The following MCTP2 variants were observed in gnomAD, a reference collection of about 807,000 sequenced individuals.
MCTP2 encodes multiple C2 and transmembrane domain-containing protein 2.
In MCTP2, 132 loss-of-function variants were observed where a neutral mutation model predicts 111.6. The observed-to-expected ratio is 1.18, with a 90% CI of 1.03 to 1.37. The LOEUF (loss-of-function observed/expected upper bound fraction) is 1.37, where lower values mean the gene tolerates loss of function less well. MCTP2 is among the 40% of genes most tolerant of loss of function. MCTP2 has a pLI of 0.00. For missense variants in MCTP2, 1,183 were observed against 1,067.9 expected (o/e 1.11, Z -1.50); for synonymous variants, 395 against 387.7 (o/e 1.02, Z -0.22).
intron 1 of MCTP2, among the ~76,000 whole-genome samples, chr15:94,276,843 CAAA>C (rs10538124): frequency 1.6e-3 from 205 of 130,564 alleles, no homozygotes; most frequent in Middle Eastern, 4.0e-3. Context: ...TAAACTAACC[CAAA>C]AAAAAAAAAA....
chr15:94,280,987 A>C lies in MCTP2; in HGVS notation c.-65-17214A>C, dbSNP rs78427501. Among the ~76,000 whole-genome samples, 812 of 152,290 alleles carry C rather than the reference A, an allele frequency of 5.3e-3. 9 individuals are homozygous for C. Among genetic ancestry groups the C allele is most frequent in the African/African-American group, 0.019 (772 of 41,564 alleles). On this transcript the variant is annotated intron_variant, in intron 1 of 22. Transcript: ENST00000357742. ...ACTTGTTGAGAATTGCTTTATGGCC[A>C]AACATATGATGGATCTTAGGGTATG...
chr15:94,286,915 A>G (rs945963345), intron 1 of MCTP2, among the ~76,000 whole-genome samples: 2 of 152,222 alleles, frequency 1.3e-5, no homozygotes, highest in African/African-American at 2.4e-5. Flanking sequence ...GTAGGGTAGC[A>G]TAGGTATCAT....
Position 94,367,571 on chromosome 15 carries a change from C to T in MCTP2, c.1302-34C>T, listed in dbSNP as rs531283176. 20 of 1,571,448 alleles carry T rather than the reference C, an allele frequency of 1.3e-5. 1 individual carries two copies. The Admixed American group carries it at 1.5e-4, about 12-fold the overall frequency. ...TACTGCAGTGGCCTTGAATTAATCA[C>T]TTTTCTCTCTCTTGATTCCTGAAAC... On this transcript the variant is annotated intron_variant, in intron 10 of 22. Coordinates refer to ENST00000357742, the MANE Select transcript of MCTP2 (RefSeq NM_001385001.1).
chr15:94,405,342 C>G (rs545654939), intron 17 of MCTP2, among the ~76,000 whole-genome samples: 258 of 152,304 alleles, frequency 1.7e-3, no homozygotes, highest in African/African-American at 6.0e-3. Flanking sequence ...TTAATCTATT[C>G]TCAATGTCAA....
At chr15:94,293,604 G>C (rs1299351582) in intron 1 of MCTP2, among the ~76,000 whole-genome samples, 1 of 152,218 alleles carries the variant, frequency 6.6e-6, no homozygotes, top group Non-Finnish European at 1.5e-5. Context: ...CCAGCAGTCT[G>C]TCCACTGCAG....
chr15:94,454,976 A>G (rs768271365), intron 19 of MCTP2, among the ~76,000 whole-genome samples: 33 of 152,156 alleles, frequency 2.2e-4, no homozygotes, highest in Admixed American at 6.5e-4. Context: ...ATGTGCCACC[A>G]CAACAGGCTA....
At chr15:94,415,049 T>C (rs1014281484) in intron 17 of MCTP2, among the ~76,000 whole-genome samples, 2 of 152,054 alleles carry the variant, frequency 1.3e-5, no homozygotes, top group Non-Finnish European at 2.9e-5. Context: ...ATGTGGATGA[T>C]ACCTACAGTA....
chr15:94,235,677 AC>A (rs537906213), intron 1 of MCTP2, among the ~76,000 whole-genome samples: 86 of 152,362 alleles, frequency 5.6e-4, no homozygotes, highest in African/African-American at 2.0e-3. Flanking sequence ...ACCCTGGGTA[AC>A]GCAGGGCTAT....
intron 17 of MCTP2, among the ~76,000 whole-genome samples, chr15:94,437,120 C>A (rs1231476557): frequency 1.3e-5 from 1 of 79,076 alleles, no homozygotes; most frequent in African/African-American, 4.8e-5. Flanking sequence ...TTCATTGATC[C>A]AAAAAGTATT....
At position 94,470,322 on chromosome 15, in the gene MCTP2, T is replaced by C. The variant is rs759890377; in HGVS notation, c.2361-11T>C. On this transcript the variant is annotated splice_polypyrimidine_tract_variant and intron_variant, in intron 20 of 22. Coordinates refer to ENST00000357742, the MANE Select transcript of MCTP2 (RefSeq NM_001385001.1). ...ATCAGAGGAAATTATATTTATGTGG[T>C]TTGTCTACAGCACATTTAACTGGAC... 2.5e-6 allele frequency: 4 copies of C among 1,577,706 alleles called. No homozygotes were observed. In the South Asian group the frequency reaches 4.4e-5, roughly 18 times the overall value.
chr15:94,255,457 C>A (rs971356167), intron 1 of MCTP2, among the ~76,000 whole-genome samples: 24 of 151,260 alleles, frequency 1.6e-4, no homozygotes, highest in Non-Finnish European at 2.2e-4. Flanking sequence ...AACTTTTTAG[C>A]AGTTTGACTT....
intron 1 of MCTP2, among the ~76,000 whole-genome samples, chr15:94,247,543 G>C (rs1272621208): frequency 1.3e-5 from 2 of 152,014 alleles, no homozygotes; most frequent in East Asian, 3.9e-4. Context: ...TGATTTTGTA[G>C]AGATGTTAAG....
intron 1 of MCTP2, among the ~76,000 whole-genome samples, chr15:94,257,569 GTTTTT>G (rs760633548): frequency 1.5e-4 from 5 of 33,862 alleles, no homozygotes; most frequent in Admixed American, 8.4e-4. Context: ...TTTCTTTGTT[GTTTTT>G]TTTTTTTTTT....
chr15:94,313,082 A>G (rs1463955183), intron 2 of MCTP2, among the ~76,000 whole-genome samples: 2 of 152,076 alleles, frequency 1.3e-5, no homozygotes, highest in Non-Finnish European at 2.9e-5. Flanking sequence ...GCCCATAGCA[A>G]TGAAGTTATC....
chr15:94,297,207 C>G (rs1282291022), intron 1 of MCTP2, among the ~76,000 whole-genome samples: 2 of 152,120 alleles, frequency 1.3e-5, no homozygotes, highest in African/African-American at 4.8e-5. Context: ...GTTATTTCTG[C>G]AAATTTGATT....
At chr15:94,256,184 TTG>T (rs2072758298) in intron 1 of MCTP2, among the ~76,000 whole-genome samples, 1 of 152,192 alleles carries the variant, frequency 6.6e-6, no homozygotes, top group South Asian at 2.1e-4. Flanking sequence ...AGCCGAAACT[TTG>T]TTTCATGTGC....
chr15:94,396,521 A>G (rs1234423313), intron 14 of MCTP2, among the ~76,000 whole-genome samples: 3 of 152,132 alleles, frequency 2.0e-5, no homozygotes, highest in Non-Finnish European at 4.4e-5. Context: ...AAGTTGGATG[A>G]TACAGAACTT....
At chr15:94,274,840 C>T (rs1368206573) in intron 1 of MCTP2, among the ~76,000 whole-genome samples, 1 of 152,118 alleles carries the variant, frequency 6.6e-6, no homozygotes, top group Non-Finnish European at 1.5e-5. Context: ...GGAAGTCATG[C>T]TTTCCAACTC....
intron 21 of MCTP2, among the ~76,000 whole-genome samples, chr15:94,473,306 G>A (rs968687869): frequency 6.6e-6 from 1 of 152,096 alleles, no homozygotes; most frequent in Non-Finnish European, 1.5e-5. Context: ...TCTTTAATGA[G>A]TTCTTAAATA....
Sources: gnomAD v4.1 joint callset for allele counts (sites outside exome capture counted in the v4.1 genomes callset) on GRCh38, gnomAD v4.1.1 for gene constraint, MANE v1.5 for transcripts, NCBI Gene and HGNC (gene_info 2026-07-23, HGNC 2026-07-21) for gene names.